The following FEZ1 variants were observed in gnomAD, a reference collection of about 807,000 sequenced individuals.
FEZ1 encodes fasciculation and elongation protein zeta 1.
Under a neutral mutation model 49.3 loss-of-function variants are expected in FEZ1, and 20 were observed. The observed-to-expected ratio is 0.41, with a 90% CI of 0.29 to 0.59. The LOEUF is 0.59. FEZ1 is among the 20% of genes least tolerant of loss of function. The pLI is 0.36. For synonymous variants in FEZ1, 170 were observed against 180.9 expected (o/e 0.94, Z 0.48); for missense variants, 413 against 476.0 (o/e 0.87, Z 1.23).
Position 125,444,222 on chromosome 11 carries a change from G to A in FEZ1, c.*1873C>T, listed in dbSNP as rs1956877165. On this transcript the variant is annotated 3_prime_UTR_variant, in exon 10 of 10. Transcript: ENST00000278919. ...TGCCTGGACTAGAGCTTTAGGCATT[G>A]CAGCAGTTTTCCTGGGGGGATAAGT... is the stretch of plus-strand genomic sequence containing the variant. 6.6e-6 allele frequency among the ~76,000 whole-genome samples: 1 copy of A among 152,206 alleles called. No homozygotes were observed. The highest frequency in any genetic ancestry group is 1.5e-5 in the Non-Finnish European group (1 of 68,032).
intron 3 of FEZ1, among the ~76,000 whole-genome samples, chr11:125,466,659 A>T (rs1957133179): frequency 6.6e-6 from 1 of 152,202 alleles, no homozygotes; most frequent in East Asian, 1.9e-4. Flanking sequence ...TTTTGGGAAG[A>T]GTGTGTCTCT....
At chr11:125,494,379 G>A (rs1957436586) in intron 1 of FEZ1, among the ~76,000 whole-genome samples, 1 of 152,098 alleles carries the variant, frequency 6.6e-6, no homozygotes, top group South Asian at 2.1e-4. Context: ...CTCTCTTCAC[G>A]GAGTGCTTTC....
chr11:125,455,706 G>T, intron 6 of FEZ1, 129 bp downstream of exon 6: 1 of 925,864 alleles, frequency 1.1e-6, no homozygotes, highest in Non-Finnish European at 1.8e-6. Context: ...CCCCCTGTCT[G>T]TCACAGTGTG....
chr11:125,472,071 T>C (rs1426594), intron 3 of FEZ1, among the ~76,000 whole-genome samples: 2,355 of 152,200 alleles, frequency 0.015, 51 homozygotes, highest in African/African-American at 0.05. Flanking sequence ...AATTGAATGA[T>C]GAAAACATAC....
intron 8 of FEZ1, chr11:125,451,574 C>T (rs1267771638): frequency 1.3e-5 from 2 of 152,198 alleles, no homozygotes; most frequent in African/African-American, 2.4e-5. Flanking sequence ...GGCACGGTTG[C>T]CAAGGAAATG....
At chr11:125,467,825 A>G (rs999939776) in intron 3 of FEZ1, among the ~76,000 whole-genome samples, 3 of 152,202 alleles carry the variant, frequency 2.0e-5, no homozygotes, top group African/African-American at 7.2e-5. Context: ...TGGGTGACAT[A>G]GTGAGATCCT....
At chr11:125,459,934 A>G (rs1025308381) in intron 5 of FEZ1, among the ~76,000 whole-genome samples, 5 of 152,168 alleles carry the variant, frequency 3.3e-5, no homozygotes, top group African/African-American at 1.2e-4. Context: ...TCGTCTCTAC[A>G]AAAATACACA....
In FEZ1 at chr11:125,460,654, TCTC is replaced by T; in HGVS notation, c.508_510del (p.Glu170del). The T allele has an allele frequency of 6.2e-7, 1 of 1,613,836 alleles. No individual in the cohort carries two copies. The highest frequency in any genetic ancestry group is 8.5e-7 in the Non-Finnish European group (1 of 1,179,952). ...GGGGAGTTCTGCATCATTTCCTCAA[TCTC>T]CTCAATTACCTGAAGAAGGTACACG... On this transcript the variant is annotated inframe_deletion, in exon 5 of 10. Coordinates refer to ENST00000278919, the MANE Select transcript of FEZ1 (RefSeq NM_005103.5).
intron 3 of FEZ1, among the ~76,000 whole-genome samples, chr11:125,468,861 A>C (rs1183281731): frequency 6.6e-6 from 1 of 152,078 alleles, no homozygotes; most frequent in East Asian, 1.9e-4. Flanking sequence ...GAATAATGAG[A>C]CCCAAGTGTC....
rs1565308357 is a variant in FEZ1, at chr11:125,495,398, C to A, written c.-46+723G>T. Reference sequence around the variant, plus strand: ...AGCGGGCTGTGATACCTCCTCGACGCCGTCAAACACTGCTCCCCGCATTCC... The same window carrying A: ...AGCGGGCTGTGATACCTCCTCGACGACGTCAAACACTGCTCCCCGCATTCC... On this transcript the variant is annotated intron_variant, in intron 1 of 9. Transcript: ENST00000278919. This position sits in a 1 kb window ranked among gnomAD's most constrained non-coding sequence, Gnocchi z 4.2. The A allele has an allele frequency of 6.4e-6, 3 of 470,712 alleles. No homozygotes were observed. Among genetic ancestry groups the A allele is most frequent in the Non-Finnish European group, 1.3e-5 (3 of 226,882 alleles). The allele number at this position is 470,712 out of a possible 1,614,324, so 29.2% of individuals were successfully genotyped here. A position where few individuals can be genotyped will look rare whatever the true frequency, so the allele number is the denominator to read the frequency against.
intron 8 of FEZ1, among the ~76,000 whole-genome samples, chr11:125,450,221 G>T (rs566180716): frequency 1.6e-4 from 25 of 152,184 alleles, no homozygotes; most frequent in Admixed American, 1.6e-3. Context: ...TAGAGATGGG[G>T]GTTTCACCAT....
intron 7 of FEZ1, 194 bp downstream of exon 7, chr11:125,453,928 CAAAAAAAA>C: frequency 4.1e-6 from 1 of 242,894 alleles, no homozygotes; most frequent in Non-Finnish European, 7.2e-6. Context: ...CACTAGAGCT[CAAAAAAAA>C]AAAAAAAAAA....
intron 3 of FEZ1, among the ~76,000 whole-genome samples, chr11:125,476,365 G>T (rs112208401): frequency 6.6e-6 from 1 of 152,270 alleles, no homozygotes; most frequent in Non-Finnish European, 1.5e-5. Context: ...ATGCATGGTT[G>T]AGTTGACATT....
chr11:125,484,361 C>T (rs1591600346), intron 2 of FEZ1, among the ~76,000 whole-genome samples: 1 of 152,340 alleles, frequency 6.6e-6, no homozygotes, highest in East Asian at 1.9e-4. Context: ...GGGATTTGAA[C>T]TTGGGCAGCA....
chr11:125,463,606 C>A, intron 3 of FEZ1, 36 bp from the exon 4 acceptor site: 3 of 1,319,446 alleles, frequency 2.3e-6, no homozygotes, highest in Non-Finnish European at 2.2e-6. Flanking sequence ...TTCTGGGTGA[C>A]CATCAGCAGA....
chr11:125,494,875 G>T (rs1054947308), intron 1 of FEZ1, among the ~76,000 whole-genome samples: 6 of 151,986 alleles, frequency 3.9e-5, no homozygotes, highest in African/African-American at 1.5e-4. Flanking sequence ...CGCTAACCCC[G>T]CTGGGCCTCG....
intron 3 of FEZ1, among the ~76,000 whole-genome samples, chr11:125,468,278 G>A (rs1004743812): frequency 2.0e-5 from 3 of 151,914 alleles, no homozygotes; most frequent in African/African-American, 7.3e-5. Context: ...CCTGGGATCA[G>A]GCAATTCTTC....
chr11:125,491,531 C>T (rs570602067), intron 1 of FEZ1, among the ~76,000 whole-genome samples: 34 of 152,248 alleles, frequency 2.2e-4, no homozygotes, highest in Middle Eastern at 3.4e-3. Context: ...CTTCTCTACA[C>T]GCTCAACAGA....
At chr11:125,474,334 G>T (rs1043810509) in intron 3 of FEZ1, among the ~76,000 whole-genome samples, 1 of 149,950 alleles carries the variant, frequency 6.7e-6, no homozygotes, top group African/African-American at 2.5e-5. Context: ...TACCACGCCC[G>T]GCCTAATTTT....
Sources: allele counts gnomAD v4.1 joint callset (sites outside exome capture counted in the v4.1 genomes callset), GRCh38; gene constraint gnomAD v4.1.1; non-coding constraint Gnocchi (gnomAD v3.1); transcripts MANE v1.5; gene names NCBI Gene and HGNC (gene_info 2026-07-23, HGNC 2026-07-21).